Variants in ITFG2 observed in about 807,000 individuals in gnomAD.
ITFG2 encodes KICSTOR complex protein ITFG2.
In ITFG2, 36 loss-of-function variants were observed where a neutral mutation model predicts 54.4. The observed-to-expected ratio is 0.66, with a 90% CI of 0.51 to 0.87. The LOEUF (loss-of-function observed/expected upper bound fraction) is 0.87, where lower values mean the gene tolerates loss of function less well. Among genes scored for constraint, ITFG2 ranks in the 40% least tolerant of loss-of-function variants. The pLI is 0.00. For missense variants in ITFG2, 524 were observed against 576.7 expected, an observed-to-expected ratio of 0.91 and a Z score of 0.94; for synonymous variants, 211 against 225.4, an observed-to-expected ratio of 0.94 and a Z score of 0.57.
downstream of ITFG2, chr12:2,827,560 C>G (rs2097974676): frequency 6.2e-7 from 1 of 1,612,062 alleles, no homozygotes; most frequent in Non-Finnish European, 8.5e-7. The surrounding 1 kb of genome is among the most constrained non-coding windows in gnomAD (Gnocchi z 4.0). Flanking sequence ...GGTCCAGGTT[C>G]CACACCTGTG....
upstream of ITFG2, among the ~76,000 whole-genome samples, chr12:2,836,376 T>G (rs1239002336): frequency 6.6e-6 from 1 of 152,204 alleles, no homozygotes; most frequent in Non-Finnish European, 1.5e-5. Context: ...TTACCTGTGT[T>G]GGATGCTCAC....
rs575419223 is a variant in ITFG2 at position 2,854,961 on chromosome 12, C to T, written n.301-3051C>T. ...CGAGTGGGGGTGCTCTTGCCTCACT[C>T]CTCAACTTGAGCTTCTCCACCTCCT... On this transcript the variant is annotated intron_variant and non_coding_transcript_variant, in intron 2 of 3. Coordinates refer to the ITFG2 transcript ENST00000537710. 2.8e-4 allele frequency: 434 copies of T among 1,536,182 alleles called. 2 individuals carry two copies. Among genetic ancestry groups the T allele is most frequent in the South Asian group, 7.9e-4 (66 of 84,056 alleles).
chr12:2,814,064 C>T (rs2097915946), intron 1 of ITFG2, among the ~76,000 whole-genome samples: 1 of 152,192 alleles, frequency 6.6e-6, no homozygotes, highest in Non-Finnish European at 1.5e-5. Context: ...CTGCCCCAAC[C>T]TCCTGCGTAG....
intron 1 of ITFG2, among the ~76,000 whole-genome samples, chr12:2,838,486 G>A (rs1281313706): frequency 6.6e-6 from 1 of 152,128 alleles, no homozygotes; most frequent in East Asian, 1.9e-4. Context: ...GAGTAAATGT[G>A]CCTGGGGCAT....
rs529117092 is a variant in ITFG2, at chr12:2,842,732, AAAAC to A, written n.300+1749_300+1752del. 2.7e-3 allele frequency among the ~76,000 whole-genome samples: 409 copies of A among 152,252 alleles called. 3 individuals carry two copies. The highest frequency in any genetic ancestry group is 6.0e-3 in the Admixed American group (91 of 15,292). On this transcript the variant is annotated intron_variant and non_coding_transcript_variant, in intron 2 of 3. Coordinates refer to the ITFG2 transcript ENST00000537710. ...GGGTTACAGAGTGAGACCCTGTCTC[AAAAC>A]AAACAAACAAAAAATTTTAATTATA...
chr12:2,823,061 G>A (rs964822709), intron 10 of ITFG2, 150 bp downstream of exon 10: 5 of 646,268 alleles, frequency 7.7e-6, no homozygotes, highest in African/African-American at 5.5e-5. Context: ...CAGCTCTTTT[G>A]TTTGGGGGTG....
At chr12:2,816,048 T>G (rs1462831503) in intron 1 of ITFG2, among the ~76,000 whole-genome samples, 1 of 151,308 alleles carries the variant, frequency 6.6e-6, no homozygotes, top group Non-Finnish European at 1.5e-5. Flanking sequence ...TTTTTTTTTT[T>G]TGAGACAGAG....
chr12:2,848,483 C>T (rs570200807), intron 2 of ITFG2, among the ~76,000 whole-genome samples: 69 of 152,292 alleles, frequency 4.5e-4, no homozygotes, highest in Admixed American at 1.2e-3. Flanking sequence ...CATAAGTCCT[C>T]CACACCCTTC....
At chr12:2,844,081 C>T (rs1168711606) in intron 2 of ITFG2, among the ~76,000 whole-genome samples, 1 of 145,734 alleles carries the variant, frequency 6.9e-6, no homozygotes, top group Non-Finnish European at 1.5e-5. Flanking sequence ...ATGGCGAAAC[C>T]CCATCTCTAC....
chr12:2,818,466 T>A, intron 4 of ITFG2, 189 bp downstream of exon 4: 1 of 1,202,764 alleles, frequency 8.3e-7, no homozygotes. Flanking sequence ...TAGACAAAAA[T>A]TGCTGCCCTC....
intron 2 of ITFG2, chr12:2,855,519 G>A (rs1378498663): frequency 1.6e-5 from 19 of 1,183,996 alleles, no homozygotes; most frequent in Middle Eastern, 3.1e-4. Context: ...GAGGCACTCC[G>A]CTCTCCTTCC....
intron 1 of ITFG2, among the ~76,000 whole-genome samples, chr12:2,838,257 C>T (rs1242354034): frequency 1.3e-5 from 2 of 152,228 alleles, no homozygotes; most frequent in Admixed American, 1.3e-4. Flanking sequence ...TGAAAAGCAT[C>T]TCCTCCAACT....
upstream of ITFG2, chr12:2,835,157 GTA>G (rs1172667836): frequency 6.4e-5 from 89 of 1,382,574 alleles, 2 homozygotes; most frequent in African/African-American, 1.4e-3. Context: ...TGGATGGGGC[GTA>G]TGTGTGTGTG....
intron 1 of ITFG2, among the ~76,000 whole-genome samples, chr12:2,815,252 A>G (rs1476579452): frequency 6.6e-6 from 1 of 152,254 alleles, no homozygotes; most frequent in African/African-American, 2.4e-5. Context: ...TATTAGTTCA[A>G]TGTATTCTGG....
chr12:2,821,687 G>A lies in ITFG2; in HGVS notation c.848-5G>A, dbSNP rs558311018. 4.3e-6 allele frequency: 7 copies of A among 1,613,948 alleles called. No individual in the cohort carries two copies. The highest frequency in any genetic ancestry group is 2.7e-5 in the African/African-American group (2 of 74,912). Reference sequence around the variant, plus strand: ...CCCACACTCAGCCTGCCTCTCCCCCGGCAGGGACACTGAAGCTCATGGAAG... The same window carrying A: ...CCCACACTCAGCCTGCCTCTCCCCCAGCAGGGACACTGAAGCTCATGGAAG... On this transcript the variant is annotated splice_polypyrimidine_tract_variant and splice_region_variant and intron_variant, in intron 8 of 11. Coordinates refer to ENST00000228799, the MANE Select transcript of ITFG2 (RefSeq NM_018463.4).
intron 2 of ITFG2, among the ~76,000 whole-genome samples, chr12:2,848,877 GCACACACA>G (rs3056877): frequency 1.1e-4 from 16 of 140,368 alleles, no homozygotes; most frequent in South Asian, 4.7e-4. Context: ...ACACACACAC[GCACACACA>G]CACACACACA....
chr12:2,835,989 CAT>C (rs777827842), upstream of ITFG2, among the ~76,000 whole-genome samples: 2 of 152,206 alleles, frequency 1.3e-5, no homozygotes, highest in Non-Finnish European at 2.9e-5. Context: ...TGCTGTGTAA[CAT>C]AGTATTCCAT....
rs961847466 is a variant in ITFG2 at position 2,824,926 on chromosome 12, T to C, written c.*733T>C. ...ATGATCCAGACCACAATCAGAATTA[T>C]ATCTTGGGTCATTTATGTGCCGTCT... On this transcript the variant is annotated 3_prime_UTR_variant, in exon 12 of 12. Transcript: ENST00000228799. 1 of 152,338 alleles carries C rather than the reference T, an allele frequency of 6.6e-6. No individual in the cohort carries two copies. Among genetic ancestry groups the C allele is most frequent in the African/African-American group, 2.4e-5 (1 of 41,416 alleles). 9.4% of individuals were successfully genotyped at this position (152,338 alleles called of 1,614,324 possible).
upstream of ITFG2, chr12:2,834,552 C>G: frequency 6.7e-7 from 1 of 1,499,386 alleles, no homozygotes; most frequent in Non-Finnish European, 8.9e-7. Flanking sequence ...AGCTGAGGGT[C>G]TGCACTTTCT....
Sources: allele counts gnomAD v4.1 joint callset (sites outside exome capture counted in the v4.1 genomes callset), GRCh38; gene constraint gnomAD v4.1.1; non-coding constraint Gnocchi (gnomAD v3.1); transcripts MANE v1.5; gene names NCBI Gene and HGNC (gene_info 2026-07-23, HGNC 2026-07-21).